Variants in SDHB observed in about 807,000 individuals in gnomAD.
The protein encoded by SDHB is succinate dehydrogenase [ubiquinone] iron-sulfur subunit, mitochondrial.
In SDHB, 21 loss-of-function variants were observed where a neutral mutation model predicts 39.7. That is an observed-to-expected ratio of 0.53 (90% confidence interval 0.37 to 0.76). The LOEUF (loss-of-function observed/expected upper bound fraction) is 0.76. Ranked by LOEUF, SDHB falls within the 30% of genes least tolerant of loss-of-function variation. The pLI is 0.00. For missense variants in SDHB, 343 were observed against 350.9 expected (o/e 0.98, Z 0.18); for synonymous variants, 118 against 117.0 (o/e 1.01, Z -0.06).
chr1:17,047,718 C>G (rs1440237117), intron 1 of SDHB, among the ~76,000 whole-genome samples: 3 of 151,456 alleles, frequency 2.0e-5, no homozygotes, highest in Non-Finnish European at 2.9e-5. Context: ...TTTGCTCTGT[C>G]ACTGATTGTG....
At chr1:17,046,849 C>T (rs1344927802) in intron 1 of SDHB, among the ~76,000 whole-genome samples, 1 of 152,046 alleles carries the variant, frequency 6.6e-6, no homozygotes, top group African/African-American at 2.4e-5. Context: ...TCCCGAGTAG[C>T]TGGGATTACA....
At chr1:17,046,129 T>C (rs756020256) in intron 1 of SDHB, among the ~76,000 whole-genome samples, 3 of 152,148 alleles carry the variant, frequency 2.0e-5, no homozygotes, top group Non-Finnish European at 4.4e-5. Flanking sequence ...GAAGAAAATA[T>C]ATGAAGAAAA....
rs114550173 is a variant in SDHB, at chr1:17,035,480, C to T, written c.201-2335G>A. On this transcript the variant is annotated intron_variant, in intron 2 of 7. Coordinates refer to ENST00000375499, the MANE Select transcript of SDHB (RefSeq NM_003000.3). ...TTTTTATTCTAATGATCTGCCTGTT[C>T]TTGTCCTAGCATATTTTAAATGACA... Among the ~76,000 whole-genome samples the T allele has an allele frequency of 1.9e-3, 291 of 152,236 alleles. 2 individuals are homozygous for T. Among genetic ancestry groups the T allele is most frequent in the Non-Finnish European group, 3.4e-3 (232 of 68,012 alleles).
At chr1:17,036,767 T>C (rs1017834485) in intron 2 of SDHB, among the ~76,000 whole-genome samples, 7 of 146,358 alleles carry the variant, frequency 4.8e-5, no homozygotes, top group Middle Eastern at 7.2e-3. Context: ...TATATAAATA[T>C]GAATATATAA....
intron 2 of SDHB, among the ~76,000 whole-genome samples, chr1:17,044,199 T>A (rs774035618): frequency 3.9e-5 from 6 of 152,210 alleles, no homozygotes; most frequent in Admixed American, 6.5e-5. Flanking sequence ...ATTAAAAAAA[T>A]GGTAATATAT....
rs535250695 is a variant in SDHB, at chr1:17,026,585, G to A, written c.540+1164C>T. Among the ~76,000 whole-genome samples the A allele has an allele frequency of 7.2e-5, 11 of 151,992 alleles. No individual in the cohort carries two copies. The East Asian group carries it at 1.6e-3, about 21-fold the overall frequency. On this transcript the variant is annotated intron_variant, in intron 5 of 7. Transcript: ENST00000375499. ...TTATCACGTTGGCCAGGCTGGTCTC[G>A]AACAACTGACCTCAAGTGATCCGCC...
chr1:17,027,812 C>T lies in SDHB; in HGVS notation c.477G>A (p.Lys159=), dbSNP rs2101521741. The change falls in exon 5 of 8, where the codon AAG becomes AAA. Residue 159 remains lysine (K), a synonymous_variant. Coordinates refer to ENST00000375499, the MANE Select transcript of SDHB (RefSeq NM_003000.3). ...GCTTGCCTTCCTGAGATTCATCCTT[C>T]TTCTTCAAATAAGGCTCAATGGATT... ...QYKSIEPYLK[K]KDESQEGKQQ... 1.2e-6 allele frequency: 2 copies of T among 1,613,770 alleles called. No homozygotes were observed. The highest frequency in any genetic ancestry group is 1.7e-6 in the Non-Finnish European group (2 of 1,179,724).
intron 2 of SDHB, among the ~76,000 whole-genome samples, chr1:17,040,678 G>A (rs946473915): frequency 2.6e-5 from 4 of 151,944 alleles, no homozygotes; most frequent in African/African-American, 9.7e-5. Context: ...TGCCCAAGCT[G>A]GTCTTGGACT....
intron 2 of SDHB, among the ~76,000 whole-genome samples, chr1:17,043,750 G>T (rs530630401): frequency 1.3e-5 from 2 of 152,340 alleles, no homozygotes; most frequent in East Asian, 3.9e-4. Flanking sequence ...TTTGACGATG[G>T]AAGAAGAGGC....
chr1:17,032,756 G>C, intron 3 of SDHB: 1 of 441,442 alleles, frequency 2.3e-6, no homozygotes, highest in Non-Finnish European at 4.2e-6. Flanking sequence ...GAGCTCAGCA[G>C]CATGGAAGGT....
chr1:17,044,025 G>C (rs987703426), intron 2 of SDHB, among the ~76,000 whole-genome samples: 2 of 152,124 alleles, frequency 1.3e-5, no homozygotes, highest in African/African-American at 4.8e-5. Context: ...CACTAAGTTT[G>C]TGGTAATTTG....
intron 2 of SDHB, among the ~76,000 whole-genome samples, chr1:17,040,628 A>G (rs571964211): frequency 6.6e-6 from 1 of 152,040 alleles, no homozygotes; most frequent in South Asian, 2.1e-4. Context: ...CTAATTTTTC[A>G]AAGAAAAAAT....
chr1:17,030,826 C>T (rs1264549560), intron 3 of SDHB, among the ~76,000 whole-genome samples: 1 of 152,026 alleles, frequency 6.6e-6, no homozygotes, highest in African/African-American at 2.4e-5. Context: ...GGATTATAGA[C>T]GCCCGCCACC....
At chr1:17,022,859 CTT>C (rs1185813903) in intron 6 of SDHB, 129 bp from the exon 7 acceptor site, 3 of 1,139,542 alleles carry the variant, frequency 2.6e-6, no homozygotes, top group Non-Finnish European at 3.8e-6. Context: ...TCTCCATACT[CTT>C]TAATTCTTGT....
intron 7 of SDHB, 143 bp from the exon 8 acceptor site, chr1:17,019,101 G>A: frequency 1.4e-6 from 1 of 722,406 alleles, no homozygotes; most frequent in Non-Finnish European, 2.5e-6. Context: ...AACCATAGGG[G>A]TTGGGCTAAG....
intron 1 of SDHB, among the ~76,000 whole-genome samples, chr1:17,045,693 G>A (rs533257196): frequency 1.6e-4 from 25 of 152,232 alleles, no homozygotes; most frequent in Middle Eastern, 3.4e-3. Flanking sequence ...GTAAAAACTC[G>A]GAAGGTTAAT....
chr1:17,019,009 G>T, intron 7 of SDHB, 51 bp from the exon 8 acceptor site: 1 of 1,406,496 alleles, frequency 7.1e-7, no homozygotes. Context: ...AAACTGAAAG[G>T]GAAAACCCAC....
chr1:17,049,203 C>G (rs1467963740), intron 1 of SDHB, among the ~76,000 whole-genome samples: 1 of 152,088 alleles, frequency 6.6e-6, no homozygotes, highest in Non-Finnish European at 1.5e-5. Context: ...GTTGGCTAAG[C>G]TGGTATGGAA....
intron 2 of SDHB, among the ~76,000 whole-genome samples, chr1:17,043,427 AGCACTTACTT>A (rs1188546257): frequency 6.6e-6 from 1 of 152,246 alleles, no homozygotes; most frequent in East Asian, 1.9e-4. Flanking sequence ...CCTCATTAAC[AGCACTTACTT>A]GTCACCACAG....
Sources: gnomAD v4.1 joint callset for allele counts (sites outside exome capture counted in the v4.1 genomes callset) on GRCh38, gnomAD v4.1.1 for gene constraint, MANE v1.5 for transcripts, NCBI Gene and HGNC (gene_info 2026-07-23, HGNC 2026-07-21) for gene names.